ZMYM6: variants seen among roughly 807,000 people sequenced by gnomAD.
The protein encoded by ZMYM6 is zinc finger MYM-type containing 6, also known as zinc finger MYM-type protein 6.
Under a neutral mutation model 134.0 loss-of-function variants are expected in ZMYM6, and 90 were observed. The observed-to-expected ratio is 0.67, with a 90% confidence interval of 0.57 to 0.80. The LOEUF is 0.80. Ranked by LOEUF, ZMYM6 falls within the 30% of genes least tolerant of loss-of-function variation. ZMYM6 has a pLI of 0.00. For synonymous variants in ZMYM6, 481 were observed against 524.1 expected (o/e 0.92, Z 1.12); for missense variants, 1,362 against 1,533.9 (o/e 0.89, Z 1.87).
rs369062116 is a variant in ZMYM6, at chr1:35,030,229, A to C, written c.93+318T>G. Reference sequence around the variant, plus strand: ...TGGATTGCTTGAGCTCAGGAGTTTGAGACCAGCCTGGGAAACATGGCCAAA... The same window carrying C: ...TGGATTGCTTGAGCTCAGGAGTTTGCGACCAGCCTGGGAAACATGGCCAAA... On this transcript the variant is annotated intron_variant, in intron 2 of 15. Coordinates refer to ENST00000357182, the MANE Select transcript of ZMYM6 (RefSeq NM_007167.4). 171 of 204,604 alleles carry C rather than the reference A, an allele frequency of 8.4e-4. 5 individuals are homozygous for C. In the South Asian group the frequency reaches 0.016, roughly 19 times the overall value. 12.7% of individuals were successfully genotyped at this position (204,604 alleles called of 1,614,324 possible). A position where few individuals can be genotyped will look rare whatever the true frequency, so the allele number is the denominator to read the frequency against.
At chr1:35,017,018 A>ACT (rs1641214151) in intron 4 of ZMYM6, among the ~76,000 whole-genome samples, 1 of 152,028 alleles carries the variant, frequency 6.6e-6, no homozygotes, top group Non-Finnish European at 1.5e-5. Context: ...AAAAAAAAAA[A>ACT]ATCCCCAAAC....
intron 2 of ZMYM6, among the ~76,000 whole-genome samples, chr1:35,022,546 G>GAGCCACC (rs1641329914): frequency 6.6e-6 from 1 of 151,996 alleles, no homozygotes; most frequent in African/African-American, 2.4e-5. Flanking sequence ...TTACAGGCAT[G>GAGCCACC]AGCCACCGCA....
intron 14 of ZMYM6, among the ~76,000 whole-genome samples, chr1:34,994,043 T>C (rs1640733155): frequency 6.6e-6 from 1 of 151,942 alleles, no homozygotes; most frequent in African/African-American, 2.4e-5. Flanking sequence ...AAGGTCTTTA[T>C]AAAACAAAGT....
At chr1:35,011,310 T>G (rs1165122099) in intron 8 of ZMYM6, among the ~76,000 whole-genome samples, 1 of 151,966 alleles carries the variant, frequency 6.6e-6, no homozygotes, top group Non-Finnish European at 1.5e-5. Flanking sequence ...CCCCTAAAAC[T>G]TCCCCCTACC....
chr1:34,992,461 A>G, intron 14 of ZMYM6, 74 bp from the exon 15 acceptor site: 1 of 1,484,466 alleles, frequency 6.7e-7, no homozygotes, highest in Non-Finnish European at 9.1e-7. Context: ...ATTGCTATCA[A>G]TTGAAAGTTC....
intron 10 of ZMYM6, among the ~76,000 whole-genome samples, chr1:35,009,369 T>C (rs1428952460): frequency 6.6e-6 from 1 of 152,198 alleles, no homozygotes; most frequent in African/African-American, 2.4e-5. Context: ...CCTCCCAAAG[T>C]GCTGGGAATA....
At position 35,004,006 on chromosome 1, in the gene ZMYM6, C is replaced by T; in HGVS notation, c.1955-1G>A. 6.2e-7 allele frequency: 1 copy of T among 1,609,214 alleles called. No individual in the cohort carries two copies. The highest frequency in any genetic ancestry group is 8.5e-7 in the Non-Finnish European group (1 of 1,176,268). ...TTTGCTGCCTCTTTAGTAACTGCAC[C>T]TGTTGTAAATTAAAACAAATATTAT... is the stretch of plus-strand genomic sequence containing the variant. On this transcript the variant is annotated splice_acceptor_variant, in intron 13 of 15. Coordinates refer to ENST00000357182, the MANE Select transcript of ZMYM6 (RefSeq NM_007167.4). LOFTEE classifies it high-confidence loss of function.
intron 14 of ZMYM6, among the ~76,000 whole-genome samples, chr1:35,001,662 T>C (rs1168842108): frequency 6.6e-6 from 1 of 152,216 alleles, no homozygotes; most frequent in Non-Finnish European, 1.5e-5. Flanking sequence ...TGATTTATTA[T>C]GTAATTTTAA....
At chr1:34,998,952 T>C (rs1416805734) in intron 14 of ZMYM6, among the ~76,000 whole-genome samples, 1 of 152,030 alleles carries the variant, frequency 6.6e-6, no homozygotes, top group Non-Finnish European at 1.5e-5. Context: ...CGAGACCTCA[T>C]CTCTACTAAA....
intron 4 of ZMYM6, among the ~76,000 whole-genome samples, chr1:35,016,337 T>C (rs532294153): frequency 2.6e-5 from 4 of 152,208 alleles, no homozygotes; most frequent in East Asian, 3.9e-4. Context: ...GCATGATATA[T>C]GACAAAAGGG....
intron 14 of ZMYM6, among the ~76,000 whole-genome samples, chr1:34,999,553 G>C (rs182334021): frequency 9.5e-4 from 145 of 152,100 alleles, no homozygotes; most frequent in African/African-American, 3.1e-3. Context: ...AGATTACAGA[G>C]AGACCACCTA....
intron 14 of ZMYM6, among the ~76,000 whole-genome samples, chr1:34,993,033 A>G (rs1640712804): frequency 6.6e-6 from 1 of 150,564 alleles, no homozygotes; most frequent in African/African-American, 2.4e-5. Context: ...CACATCAATT[A>G]AAGATCTCAG....
Position 35,030,660 on chromosome 1 carries a change from A to G in ZMYM6, c.-21T>C. On this transcript the variant is annotated 5_prime_UTR_variant, in exon 2 of 16. Transcript: ENST00000357182. ...TTCATTCTAATTTTTTACCTCAAAG[A>G]GTGTCTCAGGCTCAAACGAATAGAT... 6.2e-7 allele frequency: 1 copy of G among 1,606,850 alleles called. No homozygotes were observed. The highest frequency in any genetic ancestry group is 8.5e-7 in the Non-Finnish European group (1 of 1,175,860).
At chr1:34,991,644 CCTGTAATCCCAGCTG>C (rs1282141169) in intron 15 of ZMYM6, among the ~76,000 whole-genome samples, 3 of 151,998 alleles carry the variant, frequency 2.0e-5, no homozygotes, top group Non-Finnish European at 2.9e-5. Flanking sequence ...GTGGCAGGCA[CCTGTAATCCCAGCTG>C]CTCAGGAGGC....
Position 34,992,358 on chromosome 1 carries a change from A to C in ZMYM6, c.2022T>G (p.Phe674Leu), listed in dbSNP as rs376993531. ...AAGGCTGGGAAGATTGGGAAGATGG[A>C]AATTTCATAGCATCTTCCTGTGTAC... The part of the protein sequence containing the change: ...DESTQEDAMK[F>L]PSSQSSQPSR... The change falls in exon 15 of 16, where the codon TTT (phenylalanine) becomes TTG (leucine). Residue 674 changes from phenylalanine (F) to leucine (L), a missense_variant. This residue lies in a region of ZMYM6 where 824 missense variants were observed against 940.9 expected (regional missense o/e 0.88). Coordinates refer to ENST00000357182, the MANE Select transcript of ZMYM6 (RefSeq NM_007167.4). 12 of 1,613,920 alleles carry C rather than the reference A, an allele frequency of 7.4e-6. No individual in the cohort carries two copies. Among genetic ancestry groups the C allele is most frequent in the Admixed American group, 6.7e-5 (4 of 59,990 alleles).
chr1:35,016,596 A>G (rs1641192223), intron 4 of ZMYM6, among the ~76,000 whole-genome samples: 2 of 152,224 alleles, frequency 1.3e-5, no homozygotes, highest in Non-Finnish European at 2.9e-5. Context: ...AATAATGGCA[A>G]TAATATATAC....
chr1:35,022,054 G>C (rs543422018), intron 2 of ZMYM6, among the ~76,000 whole-genome samples: 1 of 152,304 alleles, frequency 6.6e-6, no homozygotes, highest in African/African-American at 2.4e-5. Context: ...AGTTACTTTA[G>C]AAATTTCTTT....
chr1:34,998,071 G>A (rs896731161), intron 14 of ZMYM6, among the ~76,000 whole-genome samples: 1 of 152,112 alleles, frequency 6.6e-6, no homozygotes, highest in Non-Finnish European at 1.5e-5. Context: ...ACAAGGTCAG[G>A]AGTTCAAGAC....
chr1:35,003,451 A>G (rs1640914976), intron 14 of ZMYM6, among the ~76,000 whole-genome samples: 1 of 152,234 alleles, frequency 6.6e-6, no homozygotes, highest in Admixed American at 6.5e-5. Flanking sequence ...TTTACTTTGC[A>G]CTATTTTCAG....
Sources: gnomAD v4.1 joint callset for allele counts (sites outside exome capture counted in the v4.1 genomes callset) on GRCh38, gnomAD v4.1.1 for gene constraint, gnomAD v4.1.1 regional missense constraint, MANE v1.5 for transcripts, NCBI Gene and HGNC (gene_info 2026-07-23, HGNC 2026-07-21) for gene names.